PLEKHJ1: variants seen among roughly 807,000 people sequenced by gnomAD.
The protein encoded by PLEKHJ1 is pleckstrin homology domain-containing family J member 1.
Under a neutral mutation model 21.7 loss-of-function variants are expected in PLEKHJ1, and 20 were observed. The ratio of observed to expected loss-of-function variants is 0.92; its 90% CI spans 0.65 to 1.34. The LOEUF (loss-of-function observed/expected upper bound fraction) is 1.34. Among genes scored for constraint, PLEKHJ1 ranks in the 40% most tolerant of loss-of-function variants. The pLI, the probability that PLEKHJ1 is intolerant of heterozygous loss-of-function variation, is 0.00. For synonymous variants in PLEKHJ1, 113 were observed against 80.6 expected (o/e 1.40, Z -2.15); for missense variants, 241 against 202.0 (o/e 1.19, Z -1.17).
chr19:2,234,119 C>T (rs2024708141), intron 4 of PLEKHJ1, 31 bp downstream of exon 4: 2 of 1,612,272 alleles, frequency 1.2e-6, no homozygotes, highest in African/African-American at 1.3e-5. Context: ...CTGTGCCCAC[C>T]CCAGCAGTGC....
downstream of PLEKHJ1, chr19:2,230,588 G>C (rs1473561924): frequency 2.5e-6 from 1 of 398,712 alleles, no homozygotes; most frequent in Admixed American, 4.4e-5. Context: ...TGCGGGGCAG[G>C]CCTGTCGTGG....
rs1043621192 is a variant in PLEKHJ1 at position 2,233,398 on chromosome 19, C to T, written c.*442G>A. 2.0e-5 allele frequency: 4 copies of T among 201,888 alleles called. No individual in the cohort carries two copies. The Admixed American group carries it at 2.3e-4, about 11-fold the overall frequency. The allele number at this position is 201,888 out of a possible 1,614,324, so 12.5% of individuals were successfully genotyped here. On this transcript the variant is annotated 3_prime_UTR_variant, in exon 6 of 6. Transcript: ENST00000326631. ...GATGCACACAACTCAGGCAGGGCAC[C>T]TGTGGGAAGGCGCATATCCTGGCGG...
In PLEKHJ1 at chr19:2,234,157, G is replaced by A. The variant is rs201171846; in HGVS notation, c.313C>T (p.Arg105Trp). 81 of 1,612,250 alleles carry A rather than the reference G, an allele frequency of 5.0e-5. No homozygotes were observed. Among genetic ancestry groups the A allele is most frequent in the East Asian group, 3.3e-4 (15 of 44,864 alleles). The stretch of plus-strand genomic sequence containing the variant: ...ACCACCGCCTGGCCCCACCTGGCCC[G>A]ACGCAGAGCCTCCATCCACTCCTGA... ...QCQEWMEALR[R>W]ASYEFMRRSL... Residue 105 changes from arginine to tryptophan, a missense_variant, in exon 4 of 6, where the codon CGG (arginine) becomes TGG (tryptophan). Arg to Trp is a moderately radical substitution (Grantham distance 101). Coordinates refer to ENST00000326631, the MANE Select transcript of PLEKHJ1 (RefSeq NM_018049.3).
Position 2,235,747 on chromosome 19 carries a change from C to T in PLEKHJ1, c.229+15G>A. ...GGCTGCGGGAAGCGCCGCTGGCTTCCCTAGCCCCACTCACTGATGGAGAAG... is the reference window on the plus strand; with the variant it reads ...GGCTGCGGGAAGCGCCGCTGGCTTCTCTAGCCCCACTCACTGATGGAGAAG... On this transcript the variant is annotated intron_variant, in intron 3 of 5. Coordinates refer to ENST00000326631, the MANE Select transcript of PLEKHJ1 (RefSeq NM_018049.3). 1 of 1,547,132 alleles carries T rather than the reference C, an allele frequency of 6.5e-7. No individual in the cohort carries two copies. The highest frequency in any genetic ancestry group is 8.7e-7 in the Non-Finnish European group (1 of 1,145,542).
rs1292733974 is a variant in PLEKHJ1, at chr19:2,236,254, C to A, written c.-6G>T. On this transcript the variant is annotated 5_prime_UTR_variant, in exon 1 of 6. Coordinates refer to ENST00000326631, the MANE Select transcript of PLEKHJ1 (RefSeq NM_018049.3). ...TCCTTCTCGTTGTACCGCATGGCTC[C>A]GCGGGGAACGGGAACCCGGGCCGCG... 2.2e-6 allele frequency: 3 copies of A among 1,385,246 alleles called. No homozygotes were observed. The highest frequency in any genetic ancestry group is 7.7e-5 in the Admixed American group (2 of 26,084). The allele number at this position is 1,385,246 out of a possible 1,614,324, so 85.8% of individuals were successfully genotyped here. A position where few individuals can be genotyped will look rare whatever the true frequency, so the allele number is the denominator to read the frequency against.
In PLEKHJ1 at chr19:2,233,585, G is replaced by A. The variant is rs549667192; in HGVS notation, c.*255C>T. ...CAAAAACCTCCCACTGAAAATCCAG[G>A]TGTGATGGCCGGGTGTGGCGGCTCA... is the stretch of plus-strand genomic sequence containing the variant. On this transcript the variant is annotated 3_prime_UTR_variant, in exon 6 of 6. Transcript: ENST00000326631. 9.2e-5 allele frequency: 50 copies of A among 542,178 alleles called. No homozygotes were observed. The highest frequency in any genetic ancestry group is 8.7e-4 in the African/African-American group (46 of 52,726). 33.6% of individuals were successfully genotyped at this position (542,178 alleles called of 1,614,324 possible).
At chr19:2,230,217 C>A, downstream of PLEKHJ1, 1 of 417,716 alleles carries the variant, frequency 2.4e-6, no homozygotes, top group South Asian at 8.5e-5. Flanking sequence ...TGACTAGACG[C>A]TGACAACGCC....
At chr19:2,231,162 C>A (rs1175622939), downstream of PLEKHJ1, 1 of 227,650 alleles carries the variant, frequency 4.4e-6, no homozygotes, top group African/African-American at 2.2e-5. Flanking sequence ...GGCTCTGTGC[C>A]CTCCCTGGAG....
chr19:2,233,878 C>T lies in PLEKHJ1; in HGVS notation c.412G>A (p.Glu138Lys), dbSNP rs187259747. The change falls in exon 6 of 6, where the codon GAG becomes AAG. Residue 138 changes from glutamate to lysine, a missense_variant. By Grantham distance (56) the Glu-to-Lys change is moderately conservative. Coordinates refer to ENST00000326631, the MANE Select transcript of PLEKHJ1 (RefSeq NM_018049.3). ...KDPLEQFGISEEARFQLSGLQ... is the reference protein window; with the variant it reads ...KDPLEQFGISKEARFQLSGLQ... ...CCACTCAGCTGGAACCTGGCCTCCTCGGATATGCCGAACTGTTCCAGGGGG... is the reference window on the plus strand; with the variant it reads ...CCACTCAGCTGGAACCTGGCCTCCTTGGATATGCCGAACTGTTCCAGGGGG... The T allele has an allele frequency of 5.6e-5, 91 of 1,612,294 alleles. No individual in the cohort carries two copies. The highest frequency in any genetic ancestry group is 6.8e-5 in the Non-Finnish European group (80 of 1,179,800).
intron 3 of PLEKHJ1, 98 bp downstream of exon 3, chr19:2,235,664 A>G: frequency 1.0e-6 from 1 of 993,652 alleles, no homozygotes; most frequent in South Asian, 1.5e-5. Flanking sequence ...CAGGCTGGGG[A>G]CACAGAGGAG....
rs111329474 is a variant in PLEKHJ1, at chr19:2,234,327, C to T, written c.230-87G>A. ...TGCCCATAAACTGTCCCTTCTCTGG[C>T]CCCCACAAAGATGTGTTCATGTCCT... On this transcript the variant is annotated intron_variant, in intron 3 of 5. Transcript: ENST00000326631. 3.8e-3 allele frequency: 3,687 copies of T among 974,876 alleles called. 76 individuals carry two copies. The African/African-American group carries it at 0.05, about 13-fold the overall frequency. The allele number at this position is 974,876 out of a possible 1,614,324, so 60.4% of individuals were successfully genotyped here.
intron 3 of PLEKHJ1, 28 bp downstream of exon 3, chr19:2,235,734 C>A: frequency 6.5e-7 from 1 of 1,539,626 alleles, no homozygotes; most frequent in South Asian, 1.2e-5. Context: ...CTGCGGGAAG[C>A]GCCGCTGGCT....
At chr19:2,231,018 C>T (rs775598599), downstream of PLEKHJ1, 6 of 238,220 alleles carry the variant, frequency 2.5e-5, no homozygotes, top group Non-Finnish European at 4.1e-5. Flanking sequence ...GCCCCCCACT[C>T]TGCAGCCTTG....
Position 2,233,806 on chromosome 19 carries a change from C to T in PLEKHJ1, c.*34G>A, listed in dbSNP as rs770832046. The T allele has an allele frequency of 9.6e-6, 15 of 1,562,368 alleles. No individual in the cohort carries two copies. The highest frequency in any genetic ancestry group is 2.4e-5 in the East Asian group (1 of 41,994). On this transcript the variant is annotated 3_prime_UTR_variant, in exon 6 of 6. Transcript: ENST00000326631. The stretch of plus-strand genomic sequence containing the variant: ...ATTCATGGCTGGGCAGGGCCAGTCC[C>T]GTCCCGCTGCACGCTGACCACCGTG...
At position 2,235,772 on chromosome 19, in the gene PLEKHJ1, G is replaced by T; in HGVS notation, c.219C>A (p.Thr73=). 1 of 1,549,036 alleles carries T rather than the reference G, an allele frequency of 6.5e-7. No individual in the cohort carries two copies. Among genetic ancestry groups the T allele is most frequent in the Non-Finnish European group, 8.7e-7 (1 of 1,146,596 alleles). The change falls in exon 3 of 6, where the codon ACC becomes ACA. Residue 73 remains threonine (T), a synonymous_variant. Transcript: ENST00000326631. The part of the protein sequence containing the change: ...RCRVVREEPG[T]FSISFIEDPE... Reference sequence around the variant, plus strand: ...CCTAGCCCCACTCACTGATGGAGAAGGTGCCGGGCTCTTCCCGGACGACTC... The same window carrying T: ...CCTAGCCCCACTCACTGATGGAGAATGTGCCGGGCTCTTCCCGGACGACTC...
In PLEKHJ1 at chr19:2,233,844, G is replaced by A. The variant is rs753356710; in HGVS notation, c.446C>T (p.Ala149Val). 132 of 1,607,898 alleles carry A rather than the reference G, an allele frequency of 8.2e-5. No individual in the cohort carries two copies. The highest frequency in any genetic ancestry group is 9.6e-5 in the Non-Finnish European group (113 of 1,178,734). Residue 149 changes from alanine (A) to valine (V), a missense_variant, in exon 6 of 6, where the codon GCG (alanine) becomes GTG (valine). Coordinates refer to ENST00000326631, the MANE Select transcript of PLEKHJ1 (RefSeq NM_018049.3). Reference sequence around the variant, plus strand: ...GCTGACCACCGTGCCCTGCGCTCACGCCTGCAAGCCACTCAGCTGGAACCT... The same window carrying A: ...GCTGACCACCGTGCCCTGCGCTCACACCTGCAAGCCACTCAGCTGGAACCT... ...EARFQLSGLQ[A>V] is the part of the protein sequence containing the mutation.
At chr19:2,231,786 C>T (rs1568381249), downstream of PLEKHJ1, 1 of 215,614 alleles carries the variant, frequency 4.6e-6, no homozygotes, top group Non-Finnish European at 9.3e-6. Context: ...TTACTTCTGC[C>T]TCCCTCTAGG....
Position 2,233,925 on chromosome 19 carries a change from C to A in PLEKHJ1, c.385-20G>T. On this transcript the variant is annotated intron_variant, in intron 5 of 5. Transcript: ENST00000326631. Reference sequence around the variant, plus strand: ...GGGGTCCTGTGGGGAGGACGGGTGGCCATGAGCCAGGGCTGGAGGACTGCC... The same window carrying A: ...GGGGTCCTGTGGGGAGGACGGGTGGACATGAGCCAGGGCTGGAGGACTGCC... 1.9e-6 allele frequency: 3 copies of A among 1,612,620 alleles called. No individual in the cohort carries two copies. Among genetic ancestry groups the A allele is most frequent in the Non-Finnish European group, 2.5e-6 (3 of 1,179,754 alleles).
chr19:2,232,880 G>A (rs544667272), downstream of PLEKHJ1, among the ~76,000 whole-genome samples: 1 of 152,304 alleles, frequency 6.6e-6, no homozygotes, highest in Admixed American at 6.5e-5. Flanking sequence ...ACATCAGATG[G>A]ACCAAAGCCC....
Sources: allele counts gnomAD v4.1 joint callset (sites outside exome capture counted in the v4.1 genomes callset), GRCh38; gene constraint gnomAD v4.1.1; transcripts MANE v1.5; gene names NCBI Gene and HGNC (gene_info 2026-07-23, HGNC 2026-07-21).